PRSS22: variants seen among roughly 807,000 people sequenced by gnomAD.
PRSS22 encodes serine protease 22.
In PRSS22, 26 loss-of-function variants were observed where a neutral mutation model predicts 28.0. The ratio of observed to expected loss-of-function variants is 0.93; its 90% confidence interval spans 0.68 to 1.29. The LOEUF (loss-of-function observed/expected upper bound fraction) is 1.29, where lower values mean the gene tolerates loss of function less well. Among genes scored for constraint, PRSS22 ranks in the 50% most tolerant of loss-of-function variants. PRSS22 has a pLI of 0.00. For synonymous variants in PRSS22, 217 were observed against 177.9 expected (o/e 1.22, Z -1.75); for missense variants, 444 against 422.1 (o/e 1.05, Z -0.46).
chr16:2,855,475 G>GCCTCCAC lies in PRSS22; in HGVS notation c.559+92_559+98dup. 4.4e-6 allele frequency: 6 copies of GCCTCCAC among 1,378,964 alleles called. No individual in the cohort carries two copies. The Admixed American group carries it at 1.1e-4, about 25-fold the overall frequency. The allele number at this position is 1,378,964 out of a possible 1,614,324, so 85.4% of individuals were successfully genotyped here. ...CCACCTCTGTCATGCTGTGCCTCTG[G>GCCTCCAC]CCTCCACCCTTTGTTGCTCATGGTG... On this transcript the variant is annotated intron_variant, in intron 4 of 5. Coordinates refer to ENST00000161006, the MANE Select transcript of PRSS22 (RefSeq NM_022119.4).
At position 2,857,684 on chromosome 16, in the gene PRSS22, T is replaced by G. The variant is rs551639899; in HGVS notation, c.82+339A>C. 23 of 204,810 alleles carry G rather than the reference T, an allele frequency of 1.1e-4. No homozygotes were observed. The South Asian group carries it at 4.1e-3, about 37-fold the overall frequency. The allele number at this position is 204,810 out of a possible 1,614,324, so 12.7% of individuals were successfully genotyped here. A position where few individuals can be genotyped will look rare whatever the true frequency, so the allele number is the denominator to read the frequency against. On this transcript the variant is annotated intron_variant, in intron 1 of 5. Transcript: ENST00000161006. ...CTGCTGCCGCTGGTGTGCCCTCCCC[T>G]GACCTCCTGCGGCAGGAACAACACA...
Position 2,853,816 on chromosome 16 carries a change from C to T in PRSS22, c.717+49G>A, listed in dbSNP as rs1176521704. ...AGTGGGGACAGGACTGACGCTGGCT[C>T]CTTCCCGAGGCCCTCCTGGCCAGGG... On this transcript the variant is annotated intron_variant, in intron 5 of 5. Transcript: ENST00000161006. This position sits in a 1 kb window ranked among gnomAD's most constrained non-coding sequence, Gnocchi z 4.6. The T allele has an allele frequency of 3.1e-6, 5 of 1,603,390 alleles. No homozygotes were observed. Among genetic ancestry groups the T allele is most frequent in the East Asian group, 2.2e-5 (1 of 44,802 alleles).
chr16:2,853,026 C>T lies in PRSS22; in HGVS notation c.*67G>A. The T allele has an allele frequency of 8.9e-7, 1 of 1,118,254 alleles. No individual in the cohort carries two copies. Among genetic ancestry groups the T allele is most frequent in the Non-Finnish European group, 1.2e-6 (1 of 811,248 alleles). 69.3% of individuals were successfully genotyped at this position (1,118,254 alleles called of 1,614,324 possible). The stretch of plus-strand genomic sequence containing the variant: ...CGGCGGGGGAAACCGCCCGAGGCCG[C>T]CGCAGATCCAGATCCAGATGTGGAT... On this transcript the variant is annotated 3_prime_UTR_variant, in exon 6 of 6. Coordinates refer to ENST00000161006, the MANE Select transcript of PRSS22 (RefSeq NM_022119.4). This position sits in a 1 kb window ranked among gnomAD's most constrained non-coding sequence, Gnocchi z 4.6.
At position 2,853,258 on chromosome 16, in the gene PRSS22, GC is replaced by G. The variant is rs760253337; in HGVS notation, c.788del (p.Gly263AlafsTer151). Reference protein sequence around the residue: ...AWLLAGIISWGEGCAERNRPG... With the variant: ...AWLLAGIISWXEGCAERNRPG... ...GCCTGTTGCGCTCGGCACAGCCCTC[GC>G]CCCAGCTGATGATGCCGGCCAGCAG... On this transcript the variant is annotated frameshift_variant, in exon 6 of 6. Coordinates refer to ENST00000161006, the MANE Select transcript of PRSS22 (RefSeq NM_022119.4). LOFTEE classifies it low-confidence loss of function (END_TRUNC). The surrounding 1 kb of genome is among the most constrained non-coding windows in gnomAD (Gnocchi z 4.6). 2 of 1,600,752 alleles carry G rather than the reference GC, an allele frequency of 1.2e-6. No homozygotes were observed. The highest frequency in any genetic ancestry group is 2.2e-5 in the South Asian group (2 of 91,042).
chr16:2,855,464 C>G, intron 4 of PRSS22, 110 bp downstream of exon 4: 1 of 1,239,334 alleles, frequency 8.1e-7, no homozygotes, highest in Non-Finnish European at 1.1e-6. Flanking sequence ...CTCTGTCATG[C>G]TGTGCCTCTG....
At chr16:2,855,881 C>G in intron 3 of PRSS22, 30 bp from the exon 4 acceptor site, 5 of 1,597,856 alleles carry the variant, frequency 3.1e-6, no homozygotes, top group Non-Finnish European at 4.3e-6. Context: ...GAGGATCAGC[C>G]AGGCCTGGTC....
chr16:2,857,224 T>C (rs2878434), intron 1 of PRSS22: 3,590 of 25,674 alleles, frequency 0.14, 451 homozygotes, highest in Middle Eastern at 0.23. Flanking sequence ...CCCCAGCGCC[T>C]AGTGAGGAGG....
Position 2,853,640 on chromosome 16 carries a change from G to A in PRSS22, c.717+225C>T, listed in dbSNP as rs1041609753. On this transcript the variant is annotated intron_variant, in intron 5 of 5. Coordinates refer to ENST00000161006, the MANE Select transcript of PRSS22 (RefSeq NM_022119.4). The surrounding 1 kb of genome is among the most constrained non-coding windows in gnomAD (Gnocchi z 4.6). Reference sequence around the variant, plus strand: ...CCCCCTGAAGGAAATGAAAGCTCGCGGAGGGCGAGGTGGTGCAGCTGGGAT... The same window carrying A: ...CCCCCTGAAGGAAATGAAAGCTCGCAGAGGGCGAGGTGGTGCAGCTGGGAT... Among the ~76,000 whole-genome samples, 2 of 152,234 alleles carry A rather than the reference G, an allele frequency of 1.3e-5. No individual in the cohort carries two copies. Among genetic ancestry groups the A allele is most frequent in the African/African-American group, 4.8e-5 (2 of 41,466 alleles).
intron 4 of PRSS22, 114 bp downstream of exon 4, chr16:2,855,460 C>T: frequency 8.4e-7 from 1 of 1,194,848 alleles, no homozygotes; most frequent in Non-Finnish European, 1.2e-6. Flanking sequence ...CCACCTCTGT[C>T]ATGCTGTGCC....
Position 2,853,150 on chromosome 16 carries a change from C to G in PRSS22, c.897G>C (p.Gln299His), listed in dbSNP as rs2069421762. The G allele has an allele frequency of 6.3e-7, 1 of 1,598,422 alleles. No individual in the cohort carries two copies. The highest frequency in any genetic ancestry group is 1.7e-5 in the Admixed American group (1 of 59,958). ...VQGVQLRGRA[Q>H]GGGALRAPSQ... ...TCGGTGCCCTGAGGGCCCCACCCCC[C>G]TGAGCGCGCCCGCGGAGCTGCACCC... Residue 299 changes from glutamine to histidine, a missense_variant, in exon 6 of 6, where the codon CAG (glutamine) becomes CAC (histidine). Transcript: ENST00000161006. The surrounding 1 kb of genome is among the most constrained non-coding windows in gnomAD (Gnocchi z 4.6).
chr16:2,857,804 T>G (rs1426397830), intron 1 of PRSS22: 1 of 389,846 alleles, frequency 2.6e-6, no homozygotes, highest in Non-Finnish European at 4.5e-6. Context: ...CGACGGTAAC[T>G]GGAGACCGAG....
intron 1 of PRSS22, chr16:2,857,599 C>T (rs569419296): frequency 5.4e-5 from 9 of 165,350 alleles, no homozygotes; most frequent in Admixed American, 6.3e-5. Flanking sequence ...AGCCTGCCTT[C>T]CGGGGACCAG....
chr16:2,857,670 GGT>G (rs35002296), intron 1 of PRSS22: 150,999 of 187,138 alleles, frequency 0.81, 61,259 homozygotes, highest in Non-Finnish European at 0.84. Flanking sequence ...TGCTGCCGCT[GGT>G]GTGCCCTCCC....
At chr16:2,855,506 G>A in intron 4 of PRSS22, 68 bp downstream of exon 4, 3 of 1,556,056 alleles carry the variant, frequency 1.9e-6, no homozygotes, top group Non-Finnish European at 2.6e-6. Flanking sequence ...TGGTGTCTGT[G>A]TCCCTGAGTG....
intron 3 of PRSS22, 35 bp downstream of exon 3, chr16:2,856,047 T>C (rs769464648): frequency 1.2e-6 from 2 of 1,607,026 alleles, no homozygotes; most frequent in Non-Finnish European, 1.7e-6. Flanking sequence ...CCCAGGGCCT[T>C]AGAAGATCAA....
At chr16:2,854,177 T>C (rs773438360) in intron 4 of PRSS22, 155 bp from the exon 5 acceptor site, 89 of 818,260 alleles carry the variant, frequency 1.1e-4, no homozygotes, top group Non-Finnish European at 1.6e-4. Context: ...CTTCAGAAAA[T>C]TGAAATTCCA....
chr16:2,856,174 C>A lies in PRSS22; in HGVS notation c.189G>T (p.Trp63Cys). Reference protein sequence around the residue: ...GEDSTDSEWPWIVSIQKNGTH... With the variant: ...GEDSTDSEWPCIVSIQKNGTH... The stretch of plus-strand genomic sequence containing the variant: ...TCCCATTCTTCTGGATGCTCACGAT[C>A]CAGGGCCACTCGCTGTCAGTGCTGT... The change falls in exon 3 of 6, where the codon TGG becomes TGT. Residue 63 changes from tryptophan to cysteine, a missense_variant. Transcript: ENST00000161006. The A allele has an allele frequency of 1.2e-6, 2 of 1,613,888 alleles. No homozygotes were observed. The highest frequency in any genetic ancestry group is 1.7e-6 in the Non-Finnish European group (2 of 1,179,976).
In PRSS22 at chr16:2,852,811, C is replaced by T. The variant is rs2069415192; in HGVS notation, c.*282G>A. On this transcript the variant is annotated 3_prime_UTR_variant, in exon 6 of 6. Transcript: ENST00000161006. ...TACAAATACCTATAAAAATCATTAACATTTATATACACAAAAGCGCTGGGG... is the reference window on the plus strand; with the variant it reads ...TACAAATACCTATAAAAATCATTAATATTTATATACACAAAAGCGCTGGGG... 2.1e-6 allele frequency: 1 copy of T among 469,860 alleles called. No homozygotes were observed. The highest frequency in any genetic ancestry group is 3.7e-6 in the Non-Finnish European group (1 of 272,906). 29.1% of individuals were successfully genotyped at this position (469,860 alleles called of 1,614,324 possible).
Position 2,854,146 on chromosome 16 carries a change from T to C in PRSS22, c.560-124A>G, listed in dbSNP as rs2069433801. 3 of 1,103,768 alleles carry C rather than the reference T, an allele frequency of 2.7e-6. No individual in the cohort carries two copies. The African/African-American group carries it at 4.6e-5, about 17-fold the overall frequency. 68.4% of individuals were successfully genotyped at this position (1,103,768 alleles called of 1,614,324 possible). A position where few individuals can be genotyped will look rare whatever the true frequency, so the allele number is the denominator to read the frequency against. Reference sequence around the variant, plus strand: ...TTCTCAAAGGCTAACAGATTAGCTCTACCAGTCTCTCCCAAGATGCCTTCA... The same window carrying C: ...TTCTCAAAGGCTAACAGATTAGCTCCACCAGTCTCTCCCAAGATGCCTTCA... On this transcript the variant is annotated intron_variant, in intron 4 of 5. Coordinates refer to ENST00000161006, the MANE Select transcript of PRSS22 (RefSeq NM_022119.4).
Sources: gnomAD v4.1 joint callset for allele counts (sites outside exome capture counted in the v4.1 genomes callset) on GRCh38, gnomAD v4.1.1 for gene constraint, Gnocchi (gnomAD v3.1) non-coding constraint, MANE v1.5 for transcripts, NCBI Gene and HGNC (gene_info 2026-07-23, HGNC 2026-07-21) for gene names.